Variants in SLC17A8 observed in about 807,000 individuals in gnomAD.
SLC17A8 encodes the protein solute carrier family 17 member 8.
SLC17A8 carries 31 observed loss-of-function variants against 58.0 expected under a neutral mutation model. The ratio of observed to expected loss-of-function variants is 0.53; its 90% CI spans 0.40 to 0.72. SLC17A8 has a LOEUF of 0.72. Ranked by LOEUF, SLC17A8 falls within the 30% of genes least tolerant of loss-of-function variation. The pLI is 0.00. For synonymous variants in SLC17A8, 228 were observed against 249.0 expected, an observed-to-expected ratio of 0.92 and a Z score of 0.79; for missense variants, 655 against 727.8, an observed-to-expected ratio of 0.90 and a Z score of 1.15.
intron 1 of SLC17A8, among the ~76,000 whole-genome samples, chr12:100,369,411 C>T (rs1016709238): frequency 3.3e-5 from 5 of 152,226 alleles, no homozygotes; most frequent in African/African-American, 4.8e-5. Flanking sequence ...GGATAAAACA[C>T]AGCTGCCACC....
intron 2 of SLC17A8, among the ~76,000 whole-genome samples, chr12:100,382,502 AACTCACAC>A (rs1952644812): frequency 6.6e-6 from 1 of 152,320 alleles, no homozygotes; most frequent in East Asian, 1.9e-4. Flanking sequence ...CATCGTACTA[AACTCACAC>A]ACTGCAATGA....
chr12:100,411,578 T>G (rs1952867826), intron 9 of SLC17A8, among the ~76,000 whole-genome samples: 1 of 150,512 alleles, frequency 6.6e-6, no homozygotes, highest in Admixed American at 6.7e-5. Context: ...TGTGTGGAGA[T>G]GTCTGGAATC....
chr12:100,373,659 A>G (rs1251417065), intron 1 of SLC17A8, among the ~76,000 whole-genome samples: 1 of 140,036 alleles, frequency 7.1e-6, no homozygotes, highest in Non-Finnish European at 1.5e-5. Flanking sequence ...ATCTCGGCTC[A>G]CTGCAACCTC....
chr12:100,380,931 T>C lies in SLC17A8; in HGVS notation c.332T>C (p.Val111Ala). The C allele has an allele frequency of 6.2e-7, 1 of 1,614,130 alleles. No homozygotes were observed. Among genetic ancestry groups the C allele is most frequent in the Non-Finnish European group, 8.5e-7 (1 of 1,180,032 alleles). Reference protein sequence around the residue: ...VEMVNNSTVYVDGKPEIQTAQ... With the variant: ...VEMVNNSTVYADGKPEIQTAQ... ...ATGGTCAACAATAGCACCGTATATG[T>C]TGATGGAAAACCGGAAATTCAGGTT... Residue 111 changes from valine to alanine, a missense_variant, in exon 2 of 12, where the codon GTT becomes GCT. Physicochemically the swap from Val to Ala is moderately conservative, Grantham distance 64 (BLOSUM62 0). Transcript: ENST00000323346.
chr12:100,365,501 C>G (rs1566385556), intron 1 of SLC17A8, among the ~76,000 whole-genome samples: 1 of 152,070 alleles, frequency 6.6e-6, no homozygotes, highest in African/African-American at 2.4e-5. Flanking sequence ...CATTAAAAAC[C>G]AGCAGCCTTT....
intron 1 of SLC17A8, among the ~76,000 whole-genome samples, chr12:100,379,767 G>GTTAGTGAAAAAT (rs33915404): frequency 6.6e-6 from 1 of 151,486 alleles, no homozygotes; most frequent in Admixed American, 6.6e-5. Flanking sequence ...ATCTATAGAG[G>GTTAGTGAAAAAT]TCTACCATTT....
chr12:100,420,265 G>C lies in SLC17A8; in HGVS notation c.*106G>C, dbSNP rs1214621179. The C allele has an allele frequency of 3.6e-6, 3 of 842,054 alleles. No homozygotes were observed. Among genetic ancestry groups the C allele is most frequent in the African/African-American group, 1.7e-5 (1 of 59,164 alleles). The allele number at this position is 842,054 out of a possible 1,614,324, so 52.2% of individuals were successfully genotyped here. A position where few individuals can be genotyped will look rare whatever the true frequency, so the allele number is the denominator to read the frequency against. ...TGCCAGAGGTCCAAATATTGGGAGG[G>C]GAGAAGATCTAACCAGCAACAGGGA... On this transcript the variant is annotated 3_prime_UTR_variant, in exon 12 of 12. Coordinates refer to ENST00000323346, the MANE Select transcript of SLC17A8 (RefSeq NM_139319.3).
At chr12:100,368,296 A>G (rs1952534230) in intron 1 of SLC17A8, among the ~76,000 whole-genome samples, 1 of 152,108 alleles carries the variant, frequency 6.6e-6, no homozygotes, top group Admixed American at 6.5e-5. Flanking sequence ...TGGCTTGTGG[A>G]TGCATTGCTC....
At chr12:100,387,397 T>C (rs1952683643) in intron 2 of SLC17A8, among the ~76,000 whole-genome samples, 1 of 152,216 alleles carries the variant, frequency 6.6e-6, no homozygotes, top group Non-Finnish European at 1.5e-5. Flanking sequence ...TTATTGGTCT[T>C]CTTTGGAGAA....
intron 5 of SLC17A8, among the ~76,000 whole-genome samples, chr12:100,399,610 G>T (rs1593002050): frequency 6.6e-6 from 1 of 151,800 alleles, no homozygotes; most frequent in Admixed American, 6.6e-5. Flanking sequence ...AGAGTGAAGG[G>T]GAAGGTGCCA....
At position 100,404,107 on chromosome 12, in the gene SLC17A8, GA is replaced by G. The variant is rs762705048; in HGVS notation, c.1124del (p.Asp375ValfsTer3). 1 of 1,614,182 alleles carries G rather than the reference GA, an allele frequency of 6.2e-7. No homozygotes were observed. The highest frequency in any genetic ancestry group is 2.2e-5 in the East Asian group (1 of 44,886). On this transcript the variant is annotated frameshift_variant, in exon 9 of 12. Coordinates refer to ENST00000323346, the MANE Select transcript of SLC17A8 (RefSeq NM_139319.3). LOFTEE classifies it high-confidence loss of function. ...TGTACCTATTGGAGGACAATTGGCT[GA>G]TTATTTAAGAAGCAGACAAATTTTA... ...IVVPIGGQLA[D>X]YLRSRQILTT... is the part of the protein sequence containing the mutation.
chr12:100,400,884 T>C (rs1952786131), intron 5 of SLC17A8, among the ~76,000 whole-genome samples: 1 of 152,012 alleles, frequency 6.6e-6, no homozygotes, highest in Admixed American at 6.5e-5. Context: ...CAGGTAAGCA[T>C]TTGCAAGGTT....
chr12:100,375,929 C>G (rs752477193), intron 1 of SLC17A8, among the ~76,000 whole-genome samples: 1 of 152,102 alleles, frequency 6.6e-6, no homozygotes, highest in South Asian at 2.1e-4. Flanking sequence ...AAATTCTAAC[C>G]CTCAGTACCT....
intron 8 of SLC17A8, 148 bp from the exon 9 acceptor site, chr12:100,403,890 T>C: frequency 1.2e-6 from 1 of 812,338 alleles, no homozygotes; most frequent in South Asian, 1.5e-5. Context: ...TATTATGAAA[T>C]TCAGGCCTAC....
chr12:100,394,322 A>G (rs1952736925), intron 4 of SLC17A8, among the ~76,000 whole-genome samples: 1 of 152,168 alleles, frequency 6.6e-6, no homozygotes, highest in Admixed American at 6.6e-5. Flanking sequence ...TTTAAAACAA[A>G]AAACAAAAGA....
rs550841635 is a variant in SLC17A8, at chr12:100,392,198, GT to G, written c.473+1089del. On this transcript the variant is annotated intron_variant, in intron 3 of 11. Transcript: ENST00000323346. The stretch of plus-strand genomic sequence containing the variant: ...AAGTGCATTCCATTTTTAAAAAGTG[GT>G]TTTTTTTTTCAAATTCTAAAGCACA... Among the ~76,000 whole-genome samples, 305 of 148,498 alleles carry G rather than the reference GT, an allele frequency of 2.1e-3. 1 individual carries two copies. The highest frequency in any genetic ancestry group is 0.018 in the East Asian group (90 of 5,054).
intron 11 of SLC17A8, among the ~76,000 whole-genome samples, chr12:100,418,606 T>G (rs1479135666): frequency 6.6e-6 from 1 of 152,242 alleles, no homozygotes; most frequent in Non-Finnish European, 1.5e-5. Context: ...AGGACATTGA[T>G]AACCTACCCA....
At chr12:100,412,205 C>A (rs1005357029) in intron 9 of SLC17A8, among the ~76,000 whole-genome samples, 1 of 151,946 alleles carries the variant, frequency 6.6e-6, no homozygotes, top group Non-Finnish European at 1.5e-5. Context: ...AGGTGCACCG[C>A]GATAATGTTA....
At chr12:100,394,105 T>TC (rs533954553) in intron 4 of SLC17A8, among the ~76,000 whole-genome samples, 189 of 152,350 alleles carry the variant, frequency 1.2e-3, no homozygotes, top group African/African-American at 4.1e-3. Context: ...TGATTTTTTT[T>TC]CTCACCATTT....
Sources: allele counts gnomAD v4.1 joint callset (sites outside exome capture counted in the v4.1 genomes callset), GRCh38; gene constraint gnomAD v4.1.1; transcripts MANE v1.5; gene names NCBI Gene and HGNC (gene_info 2026-07-23, HGNC 2026-07-21).